ME2: variants seen among roughly 807,000 people sequenced by gnomAD.
ME2 encodes NAD-dependent malic enzyme, mitochondrial.
A neutral mutation model predicts 73.7 loss-of-function variants in ME2; 60 were observed. That is an observed-to-expected ratio of 0.81 (90% CI 0.66 to 1.01). The LOEUF (loss-of-function observed/expected upper bound fraction) is 1.01, where lower values mean the gene tolerates loss of function less well. Among genes scored for constraint, ME2 ranks in the 50% least tolerant of loss-of-function variants. The pLI is 0.00. For synonymous variants in ME2, 199 were observed against 236.9 expected, an observed-to-expected ratio of 0.84 and a Z score of 1.47; for missense variants, 594 against 705.5, an observed-to-expected ratio of 0.84 and a Z score of 1.79.
At chr18:50,888,012 G>A (rs748282247) in intron 1 of ME2, among the ~76,000 whole-genome samples, 1 of 152,138 alleles carries the variant, frequency 6.6e-6, no homozygotes, top group Non-Finnish European at 1.5e-5. Flanking sequence ...TAACTAAAGA[G>A]CTATATAAGA....
chr18:50,946,593 G>T (rs1918089106), intron 15 of ME2, among the ~76,000 whole-genome samples: 1 of 152,138 alleles, frequency 6.6e-6, no homozygotes, highest in Non-Finnish European at 1.5e-5. Flanking sequence ...TATAGTTCTA[G>T]TGTCTAAATC....
At chr18:50,928,240 C>CCTTTTTTTTTT in intron 12 of ME2, among the ~76,000 whole-genome samples, 1 of 150,436 alleles carries the variant, frequency 6.6e-6, no homozygotes, top group Admixed American at 6.6e-5. Context: ...GCTAATTTGT[C>CCTTTTTTTTTT]CTTTTTTTTT....
intron 3 of ME2, among the ~76,000 whole-genome samples, chr18:50,911,324 GAAAAT>G (rs1917149940): frequency 6.6e-6 from 1 of 152,074 alleles, no homozygotes; most frequent in Non-Finnish European, 1.5e-5. Flanking sequence ...TAGCTATGTA[GAAAAT>G]AAAATTGAAG....
intron 15 of ME2, among the ~76,000 whole-genome samples, chr18:50,946,098 C>G (rs2144277153): frequency 6.9e-6 from 1 of 145,462 alleles, no homozygotes; most frequent in African/African-American, 2.5e-5. Flanking sequence ...CATAACAGAG[C>G]AAGGCTCCAT....
At chr18:50,931,077 G>A (rs1805497067) in intron 12 of ME2, among the ~76,000 whole-genome samples, 1 of 152,190 alleles carries the variant, frequency 6.6e-6, no homozygotes, top group African/African-American at 2.4e-5. Flanking sequence ...ATTCTTGAAT[G>A]TTAAATCCAC....
At chr18:50,913,056 T>C in intron 4 of ME2, 106 bp downstream of exon 4, 1 of 1,028,020 alleles carries the variant, frequency 9.7e-7, no homozygotes, top group South Asian at 1.9e-5. Context: ...CCAAATCACA[T>C]TTCCCACCTC....
At chr18:50,885,165 A>G (rs1009890366) in intron 1 of ME2, among the ~76,000 whole-genome samples, 3 of 152,130 alleles carry the variant, frequency 2.0e-5, no homozygotes, top group African/African-American at 7.2e-5. Flanking sequence ...CCAAAGTTTT[A>G]ACTGTAGTAA....
chr18:50,886,607 A>G (rs978622311), intron 1 of ME2, among the ~76,000 whole-genome samples: 2 of 152,300 alleles, frequency 1.3e-5, no homozygotes, highest in African/African-American at 4.8e-5. Flanking sequence ...GGAGAGCTTT[A>G]TTTAGGACTT....
intron 5 of ME2, chr18:50,916,473 C>T: frequency 2.7e-6 from 1 of 377,180 alleles, no homozygotes; most frequent in Non-Finnish European, 4.7e-6. Context: ...CAAGGTGAGC[C>T]CTCTCGGTAT....
At chr18:50,899,954 G>T (rs1916847253) in intron 2 of ME2, among the ~76,000 whole-genome samples, 1 of 152,202 alleles carries the variant, frequency 6.6e-6, no homozygotes, top group Non-Finnish European at 1.5e-5. Flanking sequence ...GACATGATTG[G>T]TGCTCGGAGT....
rs1480486421 is a variant in ME2, at chr18:50,930,832, ATTTTTAGT to A, written c.1315-1425_1315-1418del. Among the ~76,000 whole-genome samples, 16 of 152,338 alleles carry A rather than the reference ATTTTTAGT, an allele frequency of 1.1e-4. No individual in the cohort carries two copies. The South Asian group carries it at 3.1e-3, about 30-fold the overall frequency. On this transcript the variant is annotated intron_variant, in intron 12 of 15. Coordinates refer to ENST00000321341, the MANE Select transcript of ME2 (RefSeq NM_002396.5). ...TAACCTTAATCATCAAAGAAACAAA[ATTTTTAGT>A]CACAAGTAATGTTTAGAACAGATAG...
At chr18:50,905,901 A>C (rs766728297) in intron 2 of ME2, among the ~76,000 whole-genome samples, 1 of 152,184 alleles carries the variant, frequency 6.6e-6, no homozygotes, top group African/African-American at 2.4e-5. Context: ...CCATGCCATC[A>C]TAACCTAAAC....
intron 2 of ME2, among the ~76,000 whole-genome samples, chr18:50,896,978 C>T (rs1916761530): frequency 6.6e-6 from 1 of 152,198 alleles, no homozygotes; most frequent in Non-Finnish European, 1.5e-5. Context: ...CTCATTTGCT[C>T]TTTAAGATGC....
intron 2 of ME2, among the ~76,000 whole-genome samples, chr18:50,897,613 C>G (rs908149646): frequency 6.6e-6 from 1 of 152,112 alleles, no homozygotes; most frequent in African/African-American, 2.4e-5. Context: ...GTAATCCCAG[C>G]ACTTTGGGAG....
chr18:50,912,666 T>C, intron 3 of ME2, 135 bp from the exon 4 acceptor site: 1 of 678,496 alleles, frequency 1.5e-6, no homozygotes, highest in Non-Finnish European at 2.3e-6. Context: ...ATCTAAGGTT[T>C]TGGGTTTTTT....
chr18:50,897,268 G>A (rs970532063), intron 2 of ME2, among the ~76,000 whole-genome samples: 8 of 152,082 alleles, frequency 5.3e-5, no homozygotes, highest in East Asian at 1.9e-4. Flanking sequence ...TGCTATGGGC[G>A]CATTTGATAA....
At chr18:50,889,909 A>G (rs1420708168) in intron 1 of ME2, among the ~76,000 whole-genome samples, 1 of 152,210 alleles carries the variant, frequency 6.6e-6, no homozygotes, top group African/African-American at 2.4e-5. Context: ...TTAAGGTCAA[A>G]AAGATGTAAT....
At chr18:50,896,687 A>AAAGTG (rs1321304185) in intron 2 of ME2, among the ~76,000 whole-genome samples, 2 of 151,812 alleles carry the variant, frequency 1.3e-5, no homozygotes, top group African/African-American at 4.8e-5. Flanking sequence ...ATTCAAATGA[A>AAAGTG]AAGTGTGACT....
At chr18:50,927,497 G>A (rs558953348) in intron 12 of ME2, among the ~76,000 whole-genome samples, 2 of 151,654 alleles carry the variant, frequency 1.3e-5, no homozygotes, top group African/African-American at 2.4e-5. Context: ...TCAGGAGATC[G>A]AGACCATCCT....
Sources: allele counts gnomAD v4.1 joint callset (sites outside exome capture counted in the v4.1 genomes callset), GRCh38; gene constraint gnomAD v4.1.1; transcripts MANE v1.5; gene names NCBI Gene and HGNC (gene_info 2026-07-23, HGNC 2026-07-21).